PTPRN2: variants seen among roughly 807,000 people sequenced by gnomAD.
PTPRN2 encodes receptor-type tyrosine-protein phosphatase N2.
Under a neutral mutation model 118.8 loss-of-function variants are expected in PTPRN2, and 74 were observed. The ratio of observed to expected loss-of-function variants is 0.62; its 90% CI spans 0.52 to 0.76. PTPRN2 has a LOEUF of 0.76. Among genes scored for constraint, PTPRN2 ranks in the 30% least tolerant of loss-of-function variants. PTPRN2 has a pLI of 0.00. For synonymous variants in PTPRN2, 641 were observed against 608.0 expected, an observed-to-expected ratio of 1.05 and a Z score of -0.80; for missense variants, 1,481 against 1,394.4, an observed-to-expected ratio of 1.06 and a Z score of -0.99.
intron 7 of PTPRN2, 101 bp from the exon 8 acceptor site, chr7:158,136,796 G>T: frequency 9.0e-7 from 1 of 1,105,536 alleles, no homozygotes; most frequent in Non-Finnish European, 1.4e-6. Context: ...CCATACGAAA[G>T]GTGAGGTGTG....
intron 3 of PTPRN2, among the ~76,000 whole-genome samples, chr7:158,211,079 C>T (rs1165384980): frequency 6.6e-6 from 1 of 152,136 alleles, no homozygotes; most frequent in Non-Finnish European, 1.5e-5. Context: ...GGGGATAGGA[C>T]AGTCTCTTCT....
intron 11 of PTPRN2, among the ~76,000 whole-genome samples, chr7:157,982,306 CCCTG>C (rs1803307093): frequency 2.7e-5 from 1 of 36,638 alleles, no homozygotes; most frequent in Non-Finnish European, 5.8e-5. Context: ...TCCCCCCAAA[CCCTG>C]AGTCATAGAG....
At chr7:158,341,247 A>T (rs1440752198) in intron 2 of PTPRN2, among the ~76,000 whole-genome samples, 1 of 151,690 alleles carries the variant, frequency 6.6e-6, no homozygotes, top group Non-Finnish European at 1.5e-5. Flanking sequence ...ATAATTGGTG[A>T]CACCTGCAGA....
chr7:157,895,471 G>A (rs1213780083), intron 12 of PTPRN2, among the ~76,000 whole-genome samples: 1 of 152,210 alleles, frequency 6.6e-6, no homozygotes, highest in Non-Finnish European at 1.5e-5. Flanking sequence ...GGTTTAAAAT[G>A]ATTGAAAAGA....
intron 12 of PTPRN2, among the ~76,000 whole-genome samples, chr7:157,759,401 G>T (rs562706425): frequency 6.6e-6 from 1 of 152,248 alleles, no homozygotes; most frequent in African/African-American, 2.4e-5. Context: ...CGGGAACTCC[G>T]GCAGGTGGGA....
In PTPRN2 at chr7:157,977,348, G is replaced by A. The variant is rs1014257717; in HGVS notation, c.1724-78611C>T. ...CAGGGCTCTGAGCTCTGCGTCAAGT[G>A]GGAGGGGTTAATGTGCTCTGGAGTG... On this transcript the variant is annotated intron_variant, in intron 11 of 22. Coordinates refer to ENST00000389418, the MANE Select transcript of PTPRN2 (RefSeq NM_002847.5). The surrounding 1 kb of genome is among the most constrained non-coding windows in gnomAD (Gnocchi z 4.6). Among the ~76,000 whole-genome samples, 1 of 151,906 alleles carries A rather than the reference G, an allele frequency of 6.6e-6. No homozygotes were observed. The highest frequency in any genetic ancestry group is 1.5e-5 in the Non-Finnish European group (1 of 67,940).
intron 6 of PTPRN2, among the ~76,000 whole-genome samples, chr7:158,151,518 CG>C (rs1821150644): frequency 1.2e-4 from 7 of 58,552 alleles, no homozygotes; most frequent in African/African-American, 2.0e-4. Context: ...TGCTCCTCAC[CG>C]CACGTCCTAC....
chr7:157,979,354 C>A (rs1177434051), intron 11 of PTPRN2, among the ~76,000 whole-genome samples: 1 of 152,218 alleles, frequency 6.6e-6, no homozygotes, highest in African/African-American at 2.4e-5. Flanking sequence ...CCATGGTTTT[C>A]TCTGGAAAAA....
intron 12 of PTPRN2, among the ~76,000 whole-genome samples, chr7:157,755,718 C>A (rs950537735): frequency 5.3e-5 from 8 of 151,886 alleles, no homozygotes; most frequent in Non-Finnish European, 7.4e-5. Context: ...ACACTGGGGA[C>A]CCCCAGAGGG....
intron 16 of PTPRN2, among the ~76,000 whole-genome samples, chr7:157,599,011 T>A (rs1251912913): frequency 2.1e-5 from 3 of 144,174 alleles, no homozygotes; most frequent in Non-Finnish European, 4.5e-5. Context: ...ATTCTGTTTT[T>A]ACTTTTTTTT....
intron 14 of PTPRN2, among the ~76,000 whole-genome samples, chr7:157,637,406 G>T (rs568803190): frequency 1.3e-3 from 203 of 152,354 alleles, no homozygotes; most frequent in Middle Eastern, 6.8e-3. Context: ...GTGACAAGCA[G>T]CCCTGGGTGG....
chr7:157,791,367 G>A (rs1804478528), intron 12 of PTPRN2, among the ~76,000 whole-genome samples: 1 of 152,228 alleles, frequency 6.6e-6, no homozygotes, highest in Non-Finnish European at 1.5e-5. Flanking sequence ...AAGCGCCCGC[G>A]TCCACATATT....
At chr7:158,247,768 C>A (rs927485523) in intron 3 of PTPRN2, among the ~76,000 whole-genome samples, 4 of 152,162 alleles carry the variant, frequency 2.6e-5, no homozygotes, top group Non-Finnish European at 5.9e-5. Flanking sequence ...AGGCATGCAC[C>A]ACCATGCCTG....
chr7:158,378,852 T>C (rs1371029476), intron 2 of PTPRN2, among the ~76,000 whole-genome samples: 2 of 152,230 alleles, frequency 1.3e-5, no homozygotes, highest in Non-Finnish European at 2.9e-5. Flanking sequence ...TATAAAATAC[T>C]TGACAAAATT....
At chr7:158,414,938 G>A (rs985078996) in intron 2 of PTPRN2, among the ~76,000 whole-genome samples, 1 of 152,154 alleles carries the variant, frequency 6.6e-6, no homozygotes, top group Non-Finnish European at 1.5e-5. Context: ...GAAAACAGGA[G>A]CTGAGCACTC....
chr7:158,507,760 GCA>G (rs891492094), intron 1 of PTPRN2, among the ~76,000 whole-genome samples: 1 of 150,772 alleles, frequency 6.6e-6, no homozygotes, highest in Non-Finnish European at 1.5e-5. Flanking sequence ...GCAGGAAATT[GCA>G]CACACAGAGG....
chr7:157,631,831 C>CAA (rs564048764), intron 14 of PTPRN2, among the ~76,000 whole-genome samples: 3,739 of 72,358 alleles, frequency 0.052, 177 homozygotes, highest in African/African-American at 0.14. Context: ...GACTCCGTCT[C>CAA]AAAAAAAAAA....
chr7:158,193,162 G>A (rs10271711), intron 4 of PTPRN2, among the ~76,000 whole-genome samples: 35,018 of 152,218 alleles, frequency 0.23, 4,620 homozygotes, highest in African/African-American at 0.36. Flanking sequence ...GACGCTTCCC[G>A]TGGGCAGACA....
rs926708902 is a variant in PTPRN2, at chr7:157,604,195, C to T, written c.2345-120G>A. 19 of 863,946 alleles carry T rather than the reference C, an allele frequency of 2.2e-5. No individual in the cohort carries two copies. The African/African-American group carries it at 2.3e-4, about 11-fold the overall frequency. 53.5% of individuals were successfully genotyped at this position (863,946 alleles called of 1,614,324 possible). A position where few individuals can be genotyped will look rare whatever the true frequency, so the allele number is the denominator to read the frequency against. ...AGGACCCCTGCCCAGCCTCCAGGGT[C>T]CATCACACAGCAGTGTGGGACTCCC... On this transcript the variant is annotated intron_variant, in intron 15 of 22. Transcript: ENST00000389418.
Sources: gnomAD v4.1 joint callset for allele counts (sites outside exome capture counted in the v4.1 genomes callset) on GRCh38, gnomAD v4.1.1 for gene constraint, Gnocchi (gnomAD v3.1) non-coding constraint, MANE v1.5 for transcripts, NCBI Gene and HGNC (gene_info 2026-07-23, HGNC 2026-07-21) for gene names.